Variants in MINDY2 observed in about 807,000 individuals in gnomAD.
MINDY2 encodes the protein MINDY lysine 48 deubiquitinase 2.
In MINDY2, 52 loss-of-function variants were observed where a neutral mutation model predicts 68.2. The observed-to-expected ratio is 0.76, with a 90% CI of 0.61 to 0.96. The LOEUF (loss-of-function observed/expected upper bound fraction) is 0.96, where lower values mean the gene tolerates loss of function less well. Among genes scored for constraint, MINDY2 ranks in the 40% least tolerant of loss-of-function variants. MINDY2 has a pLI of 0.00. For missense variants in MINDY2, 881 were observed against 773.4 expected, an observed-to-expected ratio of 1.14 and a Z score of -1.65; for synonymous variants, 372 against 303.0, an observed-to-expected ratio of 1.23 and a Z score of -2.36.
rs1395619070 is a variant in MINDY2 at position 58,856,743 on chromosome 15, G to T, written c.*2133G>T. 2.0e-5 allele frequency: 3 copies of T among 152,208 alleles called. No individual in the cohort carries two copies. In the South Asian group the frequency reaches 6.2e-4, roughly 31 times the overall value. 9.4% of individuals were successfully genotyped at this position (152,208 alleles called of 1,614,324 possible). On this transcript the variant is annotated 3_prime_UTR_variant, in exon 9 of 9. Transcript: ENST00000559228. ...CTCAGGGTTTGTTTTTCCCGGGACA[G>T]ATAGTAGTGATAGTGCATTATATTT...
intron 3 of MINDY2, among the ~76,000 whole-genome samples, chr15:58,809,829 G>T (rs1030456698): frequency 1.3e-5 from 2 of 152,188 alleles, no homozygotes; most frequent in Admixed American, 1.3e-4. Context: ...GACCAGGCTG[G>T]AATGCAGTGG....
intron 1 of MINDY2, 45 bp downstream of exon 1, chr15:58,772,280 G>T (rs778079953): frequency 1.2e-6 from 2 of 1,600,588 alleles, no homozygotes; most frequent in Non-Finnish European, 1.7e-6. Flanking sequence ...TGGGGTGGAG[G>T]AAAACGGGGT....
intron 2 of MINDY2, among the ~76,000 whole-genome samples, chr15:58,800,048 A>C (rs1902538219): frequency 6.6e-6 from 1 of 152,244 alleles, no homozygotes; most frequent in Non-Finnish European, 1.5e-5. Flanking sequence ...TAAATACGCT[A>C]TAAAGCGAGG....
chr15:58,812,649 C>T (rs1345931290), intron 4 of MINDY2, among the ~76,000 whole-genome samples: 3 of 152,110 alleles, frequency 2.0e-5, no homozygotes, highest in African/African-American at 7.2e-5. Flanking sequence ...CACTTGGGCC[C>T]AGGAATTCAA....
chr15:58,809,763 G>C (rs1248435802), intron 3 of MINDY2, among the ~76,000 whole-genome samples: 1 of 152,152 alleles, frequency 6.6e-6, no homozygotes, highest in African/African-American at 2.4e-5. Context: ...AGTTGCATAA[G>C]AGCATGGACT....
chr15:58,847,266 A>T (rs757094928), intron 6 of MINDY2, 31 bp from the exon 7 acceptor site: 1 of 1,508,408 alleles, frequency 6.6e-7, no homozygotes, highest in Admixed American at 2.0e-5. Flanking sequence ...TCAATTTAAC[A>T]GTCCTTTTTC....
chr15:58,792,576 A>T (rs1174171277), intron 2 of MINDY2, among the ~76,000 whole-genome samples: 1 of 152,240 alleles, frequency 6.6e-6, no homozygotes, highest in Non-Finnish European at 1.5e-5. Flanking sequence ...ATTGCACTCC[A>T]GCCTGGGCGA....
At chr15:58,821,867 A>T (rs1384723827) in intron 5 of MINDY2, 48 bp downstream of exon 5, 1 of 1,263,744 alleles carries the variant, frequency 7.9e-7, no homozygotes. Context: ...TTGGCAAGAT[A>T]ATTTTTCTTA....
chr15:58,782,512 C>T (rs1312398078), intron 1 of MINDY2, among the ~76,000 whole-genome samples: 8 of 152,170 alleles, frequency 5.3e-5, no homozygotes, highest in Non-Finnish European at 4.4e-5. Flanking sequence ...CCATTGTTAT[C>T]AATTGTATGG....
chr15:58,798,458 A>AT (rs33978454), intron 2 of MINDY2, among the ~76,000 whole-genome samples: 40,043 of 143,910 alleles, frequency 0.28, 6,510 homozygotes, highest in African/African-American at 0.45. Context: ...GTAAAAAAAA[A>AT]TTTTTTTTTT....
chr15:58,859,890 A>G lies in MINDY2; in HGVS notation c.*5280A>G, dbSNP rs184540035. ...TTGAAAAACGGGGTAAAATTCTTCAACTATTGCCTCAAGTTCAGTTTTGTC... is the reference window on the plus strand; with the variant it reads ...TTGAAAAACGGGGTAAAATTCTTCAGCTATTGCCTCAAGTTCAGTTTTGTC... On this transcript the variant is annotated 3_prime_UTR_variant, in exon 9 of 9. Coordinates refer to ENST00000559228, the MANE Select transcript of MINDY2 (RefSeq NM_001040450.3). 2.6e-5 allele frequency: 4 copies of G among 152,296 alleles called. No individual in the cohort carries two copies. The East Asian group carries it at 5.8e-4, about 22-fold the overall frequency. 9.4% of individuals were successfully genotyped at this position (152,296 alleles called of 1,614,324 possible).
chr15:58,857,708 A>G lies in MINDY2; in HGVS notation c.*3098A>G, dbSNP rs2033106574. 6.6e-6 allele frequency: 1 copy of G among 152,142 alleles called. No individual in the cohort carries two copies. Among genetic ancestry groups the G allele is most frequent in the African/African-American group, 2.4e-5 (1 of 41,448 alleles). The allele number at this position is 152,142 out of a possible 1,614,324, so 9.4% of individuals were successfully genotyped here. A position where few individuals can be genotyped will look rare whatever the true frequency, so the allele number is the denominator to read the frequency against. On this transcript the variant is annotated 3_prime_UTR_variant, in exon 9 of 9. Transcript: ENST00000559228. Reference sequence around the variant, plus strand: ...TTTTGTAATACTTGAAAATTCTTAGATGTATACTGCTAACAAAAGTTAGAA... The same window carrying G: ...TTTTGTAATACTTGAAAATTCTTAGGTGTATACTGCTAACAAAAGTTAGAA...
At position 58,831,055 on chromosome 15, in the gene MINDY2, A is replaced by ATATATATATATATATATATATATG. The variant is rs1204574446; in HGVS notation, c.1226-714_1226-713insATATATATATATATATATGTATAT. Among the ~76,000 whole-genome samples the ATATATATATATATATATATATATG allele has an allele frequency of 1.1e-4, 16 of 145,542 alleles. 1 individual carries two copies. The highest frequency in any genetic ancestry group is 3.4e-4 in the Admixed American group (5 of 14,770). ...TGTGTGTGTGTGTATATATATATAT[A>ATATATATATATATATATATATATG]TATATGTTTTAAATTATACCCCGGA... On this transcript the variant is annotated intron_variant, in intron 5 of 8. Transcript: ENST00000559228.
chr15:58,772,001 TGAG>T lies in MINDY2; in HGVS notation c.617_619del (p.Glu206del), dbSNP rs748940829. ...AGGAGGGAGCGGAGAACAGGGTCCCTGAGGAGGAGGAGGGCGCGGCGGTGTTGC... is the reference window on the plus strand; with the variant it reads ...AGGAGGGAGCGGAGAACAGGGTCCCTGAGGAGGAGGGCGCGGCGGTGTTGC... On this transcript the variant is annotated inframe_deletion, in exon 1 of 9. Coordinates refer to ENST00000559228, the MANE Select transcript of MINDY2 (RefSeq NM_001040450.3). 1.7e-5 allele frequency: 27 copies of T among 1,591,350 alleles called. No individual in the cohort carries two copies. The highest frequency in any genetic ancestry group is 4.0e-5 in the African/African-American group (3 of 74,466).
At chr15:58,821,630 A>G (rs1442995047) in intron 4 of MINDY2, 87 bp from the exon 5 acceptor site, 3 of 646,700 alleles carry the variant, frequency 4.6e-6, no homozygotes, top group Admixed American at 4.1e-5. Context: ...GTATTATATT[A>G]GAATAAAATT....
chr15:58,772,386 A>G, intron 1 of MINDY2, 151 bp downstream of exon 1: 1 of 1,261,798 alleles, frequency 7.9e-7, no homozygotes, highest in South Asian at 1.4e-5. Context: ...TCCATGTTGA[A>G]GGAATATTCC....
rs1308629503 is a variant in MINDY2, at chr15:58,794,423, G to C, written c.898+6460G>C. Among the ~76,000 whole-genome samples the C allele has an allele frequency of 6.6e-5, 10 of 151,316 alleles. No individual in the cohort carries two copies. In the East Asian group the frequency reaches 1.9e-3, roughly 29 times the overall value. ...TTAAGAATAAAATATTTTTGTTGGA[G>C]AAGAGGTCAAGGAACAGACAGGCAG... On this transcript the variant is annotated intron_variant, in intron 2 of 8. Coordinates refer to ENST00000559228, the MANE Select transcript of MINDY2 (RefSeq NM_001040450.3).
intron 4 of MINDY2, among the ~76,000 whole-genome samples, chr15:58,817,096 A>G (rs558700321): frequency 6.6e-6 from 1 of 152,350 alleles, no homozygotes; most frequent in South Asian, 2.1e-4. Context: ...TATTAACTGT[A>G]AGGAAACATT....
intron 5 of MINDY2, among the ~76,000 whole-genome samples, chr15:58,825,338 A>G (rs1595754320): frequency 6.6e-6 from 1 of 152,324 alleles, no homozygotes; most frequent in Middle Eastern, 3.4e-3. Context: ...TACTTTACGT[A>G]GAATACTTAA....
Sources: allele counts gnomAD v4.1 joint callset (sites outside exome capture counted in the v4.1 genomes callset), GRCh38; gene constraint gnomAD v4.1.1; transcripts MANE v1.5; gene names NCBI Gene and HGNC (gene_info 2026-07-23, HGNC 2026-07-21).